The following NELL2 variants were observed in gnomAD, a reference collection of about 807,000 sequenced individuals.
The protein encoded by NELL2 is protein kinase C-binding protein NELL2.
NELL2 carries 41 observed loss-of-function variants against 109.6 expected under a neutral mutation model. The observed-to-expected ratio is 0.37, with a 90% CI of 0.29 to 0.49. The LOEUF is 0.49. Ranked by LOEUF, NELL2 falls within the 20% of genes least tolerant of loss-of-function variation. The pLI is 0.98. For synonymous variants in NELL2, 355 were observed against 344.7 expected, an observed-to-expected ratio of 1.03 and a Z score of -0.33; for missense variants, 900 against 1,008.3, an observed-to-expected ratio of 0.89 and a Z score of 1.45.
rs1941884128 is a variant in NELL2, at chr12:44,779,730, G to T, written c.539C>A (p.Ser180Tyr). 6.2e-7 allele frequency: 1 copy of T among 1,613,982 alleles called. No individual in the cohort carries two copies. The highest frequency in any genetic ancestry group is 8.5e-7 in the Non-Finnish European group (1 of 1,179,870). Reference protein sequence around the residue: ...KIYERVVEKPSTDLPLGTTFW... With the variant: ...KIYERVVEKPYTDLPLGTTFW... ...TGTTGTGCCTAGAGGCAAGTCTGTG[G>T]AGGGCTTTTCTACTACCCTTTCATA... Residue 180 changes from serine (S) to tyrosine (Y), a missense_variant, in exon 5 of 20, where the codon TCC becomes TAC. Ser to Tyr is a moderately radical substitution (Grantham distance 144). Transcript: ENST00000429094.
At chr12:44,619,712 T>C (rs981213201) in intron 13 of NELL2, among the ~76,000 whole-genome samples, 1 of 152,026 alleles carries the variant, frequency 6.6e-6, no homozygotes, top group African/African-American at 2.4e-5. Flanking sequence ...TGAGTGCTTA[T>C]TACCTGTCAA....
intron 2 of NELL2, among the ~76,000 whole-genome samples, chr12:44,866,850 A>G (rs2136822879): frequency 6.6e-6 from 1 of 152,244 alleles, no homozygotes; most frequent in South Asian, 2.1e-4. Context: ...AAACAATTAT[A>G]TGCCAACAAA....
At chr12:44,776,263 CT>C in intron 7 of NELL2, 113 bp from the exon 8 acceptor site, 1 of 950,692 alleles carries the variant, frequency 1.1e-6, no homozygotes, top group Non-Finnish European at 1.5e-6. Flanking sequence ...GATGGCTGTG[CT>C]TATCAACCAC....
At chr12:44,884,260 G>T (rs1031335270) in intron 1 of NELL2, among the ~76,000 whole-genome samples, 2 of 151,792 alleles carry the variant, frequency 1.3e-5, no homozygotes, top group Non-Finnish European at 2.9e-5. Context: ...TAACAAAAGG[G>T]TTCACAATTA....
chr12:44,766,053 T>C (rs1941320180), intron 9 of NELL2, among the ~76,000 whole-genome samples: 1 of 147,964 alleles, frequency 6.8e-6, no homozygotes, highest in Non-Finnish European at 1.5e-5. Context: ...GCCACCACAC[T>C]CCAGCCTGGG....
intron 9 of NELL2, among the ~76,000 whole-genome samples, chr12:44,764,114 A>T (rs755039827): frequency 8.5e-5 from 13 of 152,186 alleles, no homozygotes; most frequent in Non-Finnish European, 1.9e-4. Flanking sequence ...AGTTTTTCAA[A>T]AAGCTTTTGG....
At chr12:44,749,264 A>G (rs1204318825) in intron 9 of NELL2, among the ~76,000 whole-genome samples, 1 of 152,192 alleles carries the variant, frequency 6.6e-6, no homozygotes, top group Non-Finnish European at 1.5e-5. Context: ...GTGAGAAGAT[A>G]AATAATGCAT....
At chr12:44,810,405 T>C (rs1374668393) in intron 3 of NELL2, among the ~76,000 whole-genome samples, 5 of 152,128 alleles carry the variant, frequency 3.3e-5, no homozygotes, top group African/African-American at 9.7e-5. Context: ...GTCAGAATTA[T>C]AGGCAGTGGT....
intron 15 of NELL2, among the ~76,000 whole-genome samples, chr12:44,538,091 T>A (rs547423561): frequency 6.6e-6 from 1 of 152,296 alleles, no homozygotes; most frequent in East Asian, 1.9e-4. Flanking sequence ...AAGAGTCATA[T>A]GAAATATTCT....
At chr12:44,512,973 T>A (rs2034974639) in intron 19 of NELL2, among the ~76,000 whole-genome samples, 1 of 152,040 alleles carries the variant, frequency 6.6e-6, no homozygotes, top group African/African-American at 2.4e-5. Context: ...ATTTTGAATG[T>A]TCCCACCACA....
intron 1 of NELL2, among the ~76,000 whole-genome samples, chr12:44,898,023 ACCAAAGTGCTGCAAAGC>A (rs1286929207): frequency 6.6e-6 from 1 of 152,184 alleles, no homozygotes; most frequent in African/African-American, 2.4e-5. Context: ...GGTAAAGCCC[ACCAAAGTGCTGCAAAGC>A]CCCTGTAGCC....
chr12:44,570,576 T>C (rs1304950407), intron 15 of NELL2, among the ~76,000 whole-genome samples: 1 of 152,206 alleles, frequency 6.6e-6, no homozygotes, highest in Non-Finnish European at 1.5e-5. Flanking sequence ...ATCATTGCCA[T>C]GGAATATGTC....
Position 44,665,666 on chromosome 12 carries a change from T to C in NELL2, c.1319-57A>G, listed in dbSNP as rs112256740. 1,243 of 1,496,334 alleles carry C rather than the reference T, an allele frequency of 8.3e-4. 10 individuals are homozygous for C. In the African/African-American group the frequency reaches 0.014, roughly 17 times the overall value. 92.7% of individuals were successfully genotyped at this position (1,496,334 alleles called of 1,614,324 possible). A position where few individuals can be genotyped will look rare whatever the true frequency, so the allele number is the denominator to read the frequency against. On this transcript the variant is annotated intron_variant, in intron 12 of 19. Coordinates refer to ENST00000429094, the MANE Select transcript of NELL2 (RefSeq NM_001145108.2). ...AGTGGGCAATATTCTGGAGCTCCTATATAATTTTCTTTGGTAGGGAGAGGG... is the reference window on the plus strand; with the variant it reads ...AGTGGGCAATATTCTGGAGCTCCTACATAATTTTCTTTGGTAGGGAGAGGG...
intron 12 of NELL2, among the ~76,000 whole-genome samples, chr12:44,681,192 T>C (rs1342207536): frequency 6.6e-6 from 1 of 150,924 alleles, no homozygotes; most frequent in Admixed American, 6.6e-5. Flanking sequence ...TACTATGTTA[T>C]ATGGATCCTT....
At chr12:44,692,379 T>C (rs1346763700) in intron 12 of NELL2, among the ~76,000 whole-genome samples, 1 of 152,158 alleles carries the variant, frequency 6.6e-6, no homozygotes, top group Non-Finnish European at 1.5e-5. Context: ...TTGTGGCCCA[T>C]TGACAATGTA....
intron 2 of NELL2, among the ~76,000 whole-genome samples, chr12:44,856,491 A>T (rs1944686912): frequency 6.6e-6 from 1 of 152,208 alleles, no homozygotes; most frequent in African/African-American, 2.4e-5. Context: ...TTACTCTGTG[A>T]TCATTAGAGG....
intron 1 of NELL2, among the ~76,000 whole-genome samples, chr12:44,883,459 C>T (rs1945438427): frequency 6.6e-6 from 1 of 151,966 alleles, no homozygotes. Context: ...CTGGATAATC[C>T]AGTATAGTCT....
chr12:44,784,996 A>T (rs1416262675), intron 3 of NELL2, among the ~76,000 whole-genome samples: 5 of 152,130 alleles, frequency 3.3e-5, no homozygotes, highest in African/African-American at 4.8e-5. Flanking sequence ...CTCTCTCACA[A>T]CTCTTATTCA....
intron 15 of NELL2, among the ~76,000 whole-genome samples, chr12:44,561,193 G>T (rs1219029525): frequency 6.6e-6 from 1 of 152,118 alleles, no homozygotes; most frequent in Admixed American, 6.6e-5. Context: ...AATAATAAGA[G>T]CTATTTATGA....
Sources: gnomAD v4.1 joint callset for allele counts (sites outside exome capture counted in the v4.1 genomes callset) on GRCh38, gnomAD v4.1.1 for gene constraint, MANE v1.5 for transcripts, NCBI Gene and HGNC (gene_info 2026-07-23, HGNC 2026-07-21) for gene names.